Variants in STXBP3 observed in about 807,000 individuals in gnomAD.
STXBP3 encodes syntaxin binding protein 3.
In STXBP3, 41 loss-of-function variants were observed where a neutral mutation model predicts 85.7. The observed-to-expected ratio is 0.48, with a 90% CI of 0.37 to 0.62. STXBP3 has a LOEUF of 0.62. Among genes scored for constraint, STXBP3 ranks in the 20% least tolerant of loss-of-function variants. The pLI, the probability that STXBP3 is intolerant of heterozygous loss-of-function variation, is 0.00. For missense variants in STXBP3, 563 were observed against 703.1 expected, an observed-to-expected ratio of 0.80 and a Z score of 2.25; for synonymous variants, 229 against 231.7, an observed-to-expected ratio of 0.99 and a Z score of 0.10.
intron 6 of STXBP3, among the ~76,000 whole-genome samples, chr1:108,765,106 G>C (rs186733566): frequency 2.6e-5 from 4 of 152,268 alleles, no homozygotes; most frequent in Non-Finnish European, 2.9e-5. Context: ...TAGCTGGCCA[G>C]TTATCCCAGC....
At chr1:108,766,928 G>A (rs779392025) in intron 6 of STXBP3, 1 of 535,556 alleles carries the variant, frequency 1.9e-6, no homozygotes, top group East Asian at 5.1e-5. Flanking sequence ...GAACTGGGGA[G>A]GACTTCAGTG....
chr1:108,776,108 T>A (rs567712505), intron 7 of STXBP3, among the ~76,000 whole-genome samples: 1 of 152,266 alleles, frequency 6.6e-6, no homozygotes, highest in Non-Finnish European at 1.5e-5. Context: ...TTCCTTTATA[T>A]TAAAAAATCT....
intron 17 of STXBP3, among the ~76,000 whole-genome samples, chr1:108,804,328 G>A (rs2101139020): frequency 6.6e-6 from 1 of 151,938 alleles, no homozygotes; most frequent in South Asian, 2.1e-4. Flanking sequence ...TCTATTTTCA[G>A]TGACTTTATT....
At chr1:108,778,026 A>T (rs1302914627) in intron 8 of STXBP3, among the ~76,000 whole-genome samples, 1 of 152,168 alleles carries the variant, frequency 6.6e-6, no homozygotes, top group Non-Finnish European at 1.5e-5. Context: ...TGTAAACAGG[A>T]TAAGCATTTT....
chr1:108,777,898 A>G (rs1418484704), intron 8 of STXBP3, among the ~76,000 whole-genome samples: 1 of 152,152 alleles, frequency 6.6e-6, no homozygotes, highest in African/African-American at 2.4e-5. Flanking sequence ...TTCATAGCTC[A>G]TATTTTTGAG....
intron 17 of STXBP3, among the ~76,000 whole-genome samples, chr1:108,802,130 C>T (rs1663244714): frequency 6.6e-6 from 1 of 152,138 alleles, no homozygotes; most frequent in Non-Finnish European, 1.5e-5. Context: ...GGTGCGGTGG[C>T]TCATGCCTGT....
At chr1:108,751,232 C>G (rs1427025151) in intron 1 of STXBP3, among the ~76,000 whole-genome samples, 1 of 152,106 alleles carries the variant, frequency 6.6e-6, no homozygotes, top group Admixed American at 6.6e-5. Flanking sequence ...GGCCCCTCAC[C>G]CAAGAGTCAT....
chr1:108,777,559 C>A (rs1004046650), intron 8 of STXBP3, among the ~76,000 whole-genome samples: 1 of 152,018 alleles, frequency 6.6e-6, no homozygotes, highest in African/African-American at 2.4e-5. Context: ...TAGTACACAT[C>A]GTAGATAGTG....
intron 6 of STXBP3, among the ~76,000 whole-genome samples, chr1:108,764,332 G>A (rs2101109625): frequency 6.6e-6 from 1 of 152,154 alleles, no homozygotes; most frequent in South Asian, 2.1e-4. Flanking sequence ...CCATGTCTTT[G>A]CTATTGTGAA....
At chr1:108,773,696 G>A (rs1246915749) in intron 7 of STXBP3, among the ~76,000 whole-genome samples, 1 of 152,016 alleles carries the variant, frequency 6.6e-6, no homozygotes, top group Non-Finnish European at 1.5e-5. Flanking sequence ...ACTCGACTGG[G>A]ACAATTTAGA....
At chr1:108,807,675 C>T (rs1206582285) in intron 18 of STXBP3, 126 bp downstream of exon 18, 4 of 916,366 alleles carry the variant, frequency 4.4e-6, no homozygotes, top group Non-Finnish European at 6.3e-6. Flanking sequence ...CTCCCAGGTT[C>T]AAGCGATTCT....
chr1:108,775,938 C>T (rs1662582173), intron 7 of STXBP3, among the ~76,000 whole-genome samples: 1 of 151,620 alleles, frequency 6.6e-6, no homozygotes, highest in Non-Finnish European at 1.5e-5. Context: ...CACACACACA[C>T]ACACACACAC....
chr1:108,807,097 C>G (rs1663352651), intron 17 of STXBP3, among the ~76,000 whole-genome samples: 2 of 151,902 alleles, frequency 1.3e-5, no homozygotes, highest in African/African-American at 2.4e-5. Context: ...ACTAAAAATA[C>G]AAAAATTAGC....
intron 1 of STXBP3, among the ~76,000 whole-genome samples, chr1:108,749,771 T>G (rs1327043306): frequency 6.6e-6 from 1 of 152,176 alleles, no homozygotes; most frequent in East Asian, 1.9e-4. Flanking sequence ...TATTTTTTCG[T>G]CTGGCAGACA....
At chr1:108,785,187 C>A (rs1662799128) in intron 11 of STXBP3, among the ~76,000 whole-genome samples, 1 of 152,334 alleles carries the variant, frequency 6.6e-6, no homozygotes, top group Non-Finnish European at 1.5e-5. Flanking sequence ...CCCCACATTT[C>A]CCTTCTGCAC....
At chr1:108,776,233 A>G (rs1255540250) in intron 7 of STXBP3, 100 bp from the exon 8 acceptor site, 1 of 712,160 alleles carries the variant, frequency 1.4e-6, no homozygotes, top group African/African-American at 1.8e-5. Context: ...TTTTGTAAAC[A>G]TTTTTTAAAT....
intron 6 of STXBP3, among the ~76,000 whole-genome samples, chr1:108,769,036 C>T (rs1438718759): frequency 6.6e-6 from 1 of 152,078 alleles, no homozygotes; most frequent in East Asian, 1.9e-4. Flanking sequence ...AACTTAACTA[C>T]CAATAGCCTG....
At chr1:108,785,552 T>C (rs1662807475) in intron 11 of STXBP3, among the ~76,000 whole-genome samples, 1 of 130,870 alleles carries the variant, frequency 7.6e-6, no homozygotes. Context: ...TGACATGCCC[T>C]GGAGACATTT....
chr1:108,790,618 A>G (rs1204699979), intron 11 of STXBP3, among the ~76,000 whole-genome samples: 1 of 151,670 alleles, frequency 6.6e-6, no homozygotes, highest in Non-Finnish European at 1.5e-5. Context: ...TTTTCACTTC[A>G]TTTTTTATAT....
Sources: allele counts gnomAD v4.1 joint callset (sites outside exome capture counted in the v4.1 genomes callset), GRCh38; gene constraint gnomAD v4.1.1; transcripts MANE v1.5; gene names NCBI Gene and HGNC (gene_info 2026-07-23, HGNC 2026-07-21).